The following CORO2B variants were observed in gnomAD, a reference collection of about 807,000 sequenced individuals.
CORO2B encodes the protein coronin-2B.
A neutral mutation model predicts 58.8 loss-of-function variants in CORO2B; 26 were observed. That is an observed-to-expected ratio of 0.44 (90% confidence interval 0.32 to 0.61). CORO2B has a LOEUF of 0.61. Among genes scored for constraint, CORO2B ranks in the 20% least tolerant of loss-of-function variants. CORO2B has a pLI of 0.04. For missense variants in CORO2B, 460 were observed against 645.1 expected, an observed-to-expected ratio of 0.71 and a Z score of 3.11; for synonymous variants, 242 against 253.8, an observed-to-expected ratio of 0.95 and a Z score of 0.44.
intron 1 of CORO2B, among the ~76,000 whole-genome samples, chr15:68,642,679 G>C (rs1012092672): frequency 1.6e-4 from 24 of 152,108 alleles, no homozygotes; most frequent in Non-Finnish European, 2.8e-4. Context: ...TGCCATCACA[G>C]AGCAGTGCCC....
intron 6 of CORO2B, 105 bp downstream of exon 6, chr15:68,714,146 C>A: frequency 1.4e-6 from 1 of 716,040 alleles, no homozygotes; most frequent in South Asian, 1.8e-5. Context: ...ACCAGCTTCT[C>A]ATAGCATTCC....
chr15:68,538,546 G>T, the CORO2B span, among the ~76,000 whole-genome samples: 1 of 152,218 alleles, frequency 6.6e-6, no homozygotes, highest in African/African-American at 2.4e-5. Context: ...TTCAGCATAT[G>T]AATTGCTCTC....
At chr15:68,558,329 G>A in the CORO2B span, among the ~76,000 whole-genome samples, 1 of 152,092 alleles carries the variant, frequency 6.6e-6, no homozygotes, top group African/African-American at 2.4e-5. Context: ...GAATGGCTGG[G>A]AAGGTGGGGT....
chr15:68,601,942 G>C (rs186281260), intron 1 of CORO2B, among the ~76,000 whole-genome samples: 2,946 of 152,236 alleles, frequency 0.019, 32 homozygotes, highest in Non-Finnish European at 0.03. Flanking sequence ...TCCTCCAGAG[G>C]GGGAGGATCA....
chr15:68,625,170 T>A (rs1900641074), intron 1 of CORO2B, among the ~76,000 whole-genome samples: 1 of 152,094 alleles, frequency 6.6e-6, no homozygotes, highest in Non-Finnish European at 1.5e-5. Context: ...TCTTCTCAGG[T>A]GCCACGCAGG....
At chr15:68,518,783 A>G in the CORO2B span, among the ~76,000 whole-genome samples, 9 of 152,054 alleles carry the variant, frequency 5.9e-5, no homozygotes, top group African/African-American at 2.2e-4. Context: ...CTGCTGAAGG[A>G]AAGAGGGTCC....
Position 68,644,142 on chromosome 15 carries a change from C to T in CORO2B, c.16-1018C>T, listed in dbSNP as rs766150840. Among the ~76,000 whole-genome samples, 9 of 152,264 alleles carry T rather than the reference C, an allele frequency of 5.9e-5. No homozygotes were observed. The South Asian group carries it at 1.5e-3, about 25-fold the overall frequency. ...TAACAAATTAACTCCAAAATCTTAG[C>T]GGCTTATAACAAAAGTTTGTCACTC... On this transcript the variant is annotated intron_variant, in intron 1 of 11. Coordinates refer to ENST00000261861, the MANE Select transcript of CORO2B (RefSeq NM_006091.5).
At chr15:68,572,202 G>A in the CORO2B span, among the ~76,000 whole-genome samples, 1 of 152,226 alleles carries the variant, frequency 6.6e-6, no homozygotes, top group East Asian at 1.9e-4. Context: ...CCAGTCACTG[G>A]CAGCAGCTGC....
chr15:68,574,957 A>G (rs1327394357), upstream of CORO2B, among the ~76,000 whole-genome samples: 1 of 152,164 alleles, frequency 6.6e-6, no homozygotes, highest in East Asian at 1.9e-4. Flanking sequence ...ACCAGAACTA[A>G]TACTGCAACG....
chr15:68,591,248 C>T (rs892336754), intron 1 of CORO2B, among the ~76,000 whole-genome samples: 3 of 152,236 alleles, frequency 2.0e-5, no homozygotes, highest in East Asian at 3.8e-4. Flanking sequence ...GAGAGATCTT[C>T]CCTCAGTCTT....
At chr15:68,655,777 G>A (rs761711112) in intron 2 of CORO2B, among the ~76,000 whole-genome samples, 3 of 152,200 alleles carry the variant, frequency 2.0e-5, no homozygotes, top group Admixed American at 1.3e-4. Context: ...CACAAAGGGC[G>A]GCCATCCCCA....
intron 1 of CORO2B, among the ~76,000 whole-genome samples, chr15:68,627,027 A>G (rs553532195): frequency 2.0e-5 from 3 of 152,318 alleles, no homozygotes; most frequent in Admixed American, 1.3e-4. Context: ...ACCACTGCCA[A>G]GTGGGGATCC....
At chr15:68,540,337 C>T in the CORO2B span, among the ~76,000 whole-genome samples, 1 of 152,232 alleles carries the variant, frequency 6.6e-6, no homozygotes, top group Non-Finnish European at 1.5e-5. Context: ...CCCACAGTAG[C>T]AGATGCAAGT....
the CORO2B span, among the ~76,000 whole-genome samples, chr15:68,548,189 A>ATATATATATG: frequency 5.4e-4 from 79 of 145,130 alleles, no homozygotes; most frequent in Middle Eastern, 3.5e-3. Flanking sequence ...ATATATATAT[A>ATATATATATG]TGTGTGTGTG....
chr15:68,630,249 C>T (rs1309918458), intron 1 of CORO2B, among the ~76,000 whole-genome samples: 1 of 152,140 alleles, frequency 6.6e-6, no homozygotes, highest in African/African-American at 2.4e-5. Context: ...GTGGGGTGGT[C>T]GTGTGCAACG....
At chr15:68,591,167 C>T (rs1000909749) in intron 1 of CORO2B, among the ~76,000 whole-genome samples, 18 of 152,154 alleles carry the variant, frequency 1.2e-4, no homozygotes, top group Admixed American at 9.8e-4. Context: ...ACAGCAGTGA[C>T]AGGGACATGT....
Position 68,711,691 on chromosome 15 carries a change from T to C in CORO2B, c.633T>C (p.Ser211=), listed in dbSNP as rs1452018910. The C allele has an allele frequency of 6.2e-7, 1 of 1,614,084 alleles. No individual in the cohort carries two copies. Among genetic ancestry groups the C allele is most frequent in the African/African-American group, 1.3e-5 (1 of 75,066 alleles). The change falls in exon 5 of 12, where the codon TCT becomes TCC. Residue 211 remains serine (S), a synonymous_variant. Coordinates refer to ENST00000261861, the MANE Select transcript of CORO2B (RefSeq NM_006091.5). ...DKKLRVIEPR[S]GRVLQEANCK... is the part of the protein sequence containing the mutation. ...AGCTGCGTGTGATTGAGCCCCGCTC[T>C]GGCCGTGTTCTGCAGGTGGAACCCT...
chr15:68,551,421 C>T, the CORO2B span, among the ~76,000 whole-genome samples: 1 of 152,194 alleles, frequency 6.6e-6, no homozygotes, highest in Non-Finnish European at 1.5e-5. Context: ...AAAGTTCCCA[C>T]TGGGCTGTGG....
intron 2 of CORO2B, among the ~76,000 whole-genome samples, chr15:68,665,200 C>G (rs1902155942): frequency 6.6e-6 from 1 of 152,122 alleles, no homozygotes; most frequent in African/African-American, 2.4e-5. Flanking sequence ...CCCCAGGTAT[C>G]TATCCAGTTG....
Sources: gnomAD v4.1 joint callset for allele counts (sites outside exome capture counted in the v4.1 genomes callset) on GRCh38, gnomAD v4.1.1 for gene constraint, MANE v1.5 for transcripts, NCBI Gene and HGNC (gene_info 2026-07-23, HGNC 2026-07-21) for gene names.